UNC5D: variants seen among roughly 807,000 people sequenced by gnomAD.
UNC5D encodes unc-5 netrin receptor D, also known as netrin receptor UNC5D.
Under a neutral mutation model 105.4 loss-of-function variants are expected in UNC5D, and 39 were observed. The observed-to-expected ratio is 0.37, with a 90% confidence interval of 0.29 to 0.48. The LOEUF is 0.48. UNC5D is among the 20% of genes least tolerant of loss of function. The pLI is 0.98. For missense variants in UNC5D, 991 were observed against 1,202.4 expected, an observed-to-expected ratio of 0.82 and a Z score of 2.60; for synonymous variants, 452 against 450.4, an observed-to-expected ratio of 1.00 and a Z score of -0.04.
At chr8:35,304,574 G>A (rs911304815) in intron 1 of UNC5D, among the ~76,000 whole-genome samples, 2 of 152,016 alleles carry the variant, frequency 1.3e-5, no homozygotes, top group East Asian at 1.9e-4. Flanking sequence ...GTGCACAAGC[G>A]TGTGTATGCG....
chr8:35,351,048 A>G (rs985308204), intron 1 of UNC5D, among the ~76,000 whole-genome samples: 1 of 152,104 alleles, frequency 6.6e-6, no homozygotes, highest in Non-Finnish European at 1.5e-5. Context: ...GACTTCAAAC[A>G]GTTGAGTGTG....
Position 35,795,934 on chromosome 8 carries a change from T to C in UNC5D, c.*5371T>C, listed in dbSNP as rs993659420. ...ATTTAAAGGAAAACTGGCTCATTCTTCTGACCCAAACTCAAAAAATATGAG... is the reference window on the plus strand; with the variant it reads ...ATTTAAAGGAAAACTGGCTCATTCTCCTGACCCAAACTCAAAAAATATGAG... On this transcript the variant is annotated 3_prime_UTR_variant, in exon 17 of 17. Coordinates refer to ENST00000404895, the MANE Select transcript of UNC5D (RefSeq NM_080872.4). 2.0e-5 allele frequency: 3 copies of C among 152,210 alleles called. No homozygotes were observed. Among genetic ancestry groups the C allele is most frequent in the African/African-American group, 4.8e-5 (2 of 41,464 alleles). The allele number at this position is 152,210 out of a possible 1,614,324, so 9.4% of individuals were successfully genotyped here. A position where few individuals can be genotyped will look rare whatever the true frequency, so the allele number is the denominator to read the frequency against.
intron 9 of UNC5D, chr8:35,724,207 C>G: frequency 6.6e-7 from 1 of 1,511,842 alleles, no homozygotes; most frequent in Non-Finnish European, 8.8e-7. Context: ...CAATATTAGT[C>G]TTACCAAACT....
At chr8:35,288,652 A>G (rs1308062137) in intron 1 of UNC5D, among the ~76,000 whole-genome samples, 1 of 152,230 alleles carries the variant, frequency 6.6e-6, no homozygotes, top group Non-Finnish European at 1.5e-5. Flanking sequence ...AACTATAGCT[A>G]GAATAAATTG....
chr8:35,735,870 T>A (rs140169108), intron 11 of UNC5D, among the ~76,000 whole-genome samples: 1 of 152,352 alleles, frequency 6.6e-6, no homozygotes, highest in South Asian at 2.1e-4. Flanking sequence ...CTTGGACTAT[T>A]TGAGAGGACC....
Position 35,793,336 on chromosome 8 carries a change from C to A in UNC5D, c.*2773C>A. ...ACTTGAACTTAGTTATTCACTGTGACCTAAATTTAGTCCTATTGTAATATG... is the reference window on the plus strand; with the variant it reads ...ACTTGAACTTAGTTATTCACTGTGAACTAAATTTAGTCCTATTGTAATATG... On this transcript the variant is annotated 3_prime_UTR_variant, in exon 17 of 17. Coordinates refer to ENST00000404895, the MANE Select transcript of UNC5D (RefSeq NM_080872.4). The A allele has an allele frequency of 3.4e-6, 1 of 296,166 alleles. No homozygotes were observed. Among genetic ancestry groups the A allele is most frequent in the Non-Finnish European group, 6.7e-6 (1 of 149,390 alleles). 18.3% of individuals were successfully genotyped at this position (296,166 alleles called of 1,614,324 possible).
At chr8:35,384,258 A>G (rs111508666) in intron 1 of UNC5D, among the ~76,000 whole-genome samples, 5 of 152,080 alleles carry the variant, frequency 3.3e-5, no homozygotes, top group East Asian at 1.9e-4. Flanking sequence ...TTAAAATAAT[A>G]TGGTCTTATA....
chr8:35,334,774 A>T (rs1164611725), intron 1 of UNC5D, among the ~76,000 whole-genome samples: 1 of 152,150 alleles, frequency 6.6e-6, no homozygotes, highest in African/African-American at 2.4e-5. Flanking sequence ...TCGGCCTCCC[A>T]AAGTGCTGGG....
At chr8:35,772,269 A>C (rs1337064904) in intron 15 of UNC5D, among the ~76,000 whole-genome samples, 1 of 152,170 alleles carries the variant, frequency 6.6e-6, no homozygotes, top group East Asian at 1.9e-4. Flanking sequence ...GGATTAATGC[A>C]TTGTGTTTCC....
chr8:35,248,985 AATATATTATATATAAACATATATAAT>A (rs1403108008), intron 1 of UNC5D, among the ~76,000 whole-genome samples: 11 of 89,730 alleles, frequency 1.2e-4, no homozygotes, highest in African/African-American at 5.0e-4. Context: ...ATTTTTATAT[AATATATTATATATAAACATATATAAT>A]ATATATTATA....
chr8:35,510,357 A>C (rs1812620437), intron 1 of UNC5D, among the ~76,000 whole-genome samples: 1 of 150,518 alleles, frequency 6.6e-6, no homozygotes, highest in African/African-American at 2.4e-5. Flanking sequence ...CCAGGATATT[A>C]GGAGTTGTGT....
In UNC5D at chr8:35,602,812, G is replaced by A. The variant is rs1020128471; in HGVS notation, c.570+7155G>A. ...ATGTATACATGTGACATGCTGGTGC[G>A]CTGCACCCACTAACTCATCATCTAG... On this transcript the variant is annotated intron_variant, in intron 4 of 16. Coordinates refer to ENST00000404895, the MANE Select transcript of UNC5D (RefSeq NM_080872.4). Among the ~76,000 whole-genome samples the A allele has an allele frequency of 8.5e-4, 129 of 151,718 alleles. 1 individual carries two copies. The highest frequency in any genetic ancestry group is 1.1e-3 in the African/African-American group (45 of 41,436).
chr8:35,547,331 G>A (rs1815768791), intron 1 of UNC5D, among the ~76,000 whole-genome samples: 1 of 132,360 alleles, frequency 7.6e-6, no homozygotes, highest in African/African-American at 3.0e-5. Context: ...TCACTATGTT[G>A]CCCAGGCTGG....
intron 1 of UNC5D, among the ~76,000 whole-genome samples, chr8:35,409,730 A>G (rs1805036486): frequency 6.6e-6 from 1 of 151,990 alleles, no homozygotes; most frequent in African/African-American, 2.4e-5. Context: ...TTTGCAGAGC[A>G]AAAGTTCTTA....
intron 2 of UNC5D, among the ~76,000 whole-genome samples, chr8:35,561,285 C>T (rs1816943123): frequency 1.3e-5 from 2 of 152,286 alleles, no homozygotes; most frequent in Non-Finnish European, 2.9e-5. Context: ...ACAGAGCCCA[C>T]TGACATTATG....
At chr8:35,652,609 T>G (rs1450637133) in intron 4 of UNC5D, among the ~76,000 whole-genome samples, 6 of 145,006 alleles carry the variant, frequency 4.1e-5, no homozygotes, top group African/African-American at 1.3e-4. Flanking sequence ...TTATTATGAG[T>G]TTTTTTTTTT....
intron 1 of UNC5D, among the ~76,000 whole-genome samples, chr8:35,426,517 T>C (rs1252691560): frequency 6.6e-6 from 1 of 152,208 alleles, no homozygotes; most frequent in Non-Finnish European, 1.5e-5. Flanking sequence ...GTATCTTTGC[T>C]CTGCTAAACA....
rs192267224 is a variant in UNC5D at position 35,408,244 on chromosome 8, T to C, written c.104-141048T>C. On this transcript the variant is annotated intron_variant, in intron 1 of 16. Transcript: ENST00000404895. Reference sequence around the variant, plus strand: ...TGTTTACTTTTAGTTTACTCAGCAATTAAACATGAAGGAACTAGTTTATCA... The same window carrying C: ...TGTTTACTTTTAGTTTACTCAGCAACTAAACATGAAGGAACTAGTTTATCA... Among the ~76,000 whole-genome samples, 4 of 152,200 alleles carry C rather than the reference T, an allele frequency of 2.6e-5. No individual in the cohort carries two copies. The East Asian group carries it at 7.7e-4, about 29-fold the overall frequency.
chr8:35,542,501 C>G (rs1470275020), intron 1 of UNC5D, among the ~76,000 whole-genome samples: 1 of 152,188 alleles, frequency 6.6e-6, no homozygotes, highest in Admixed American at 6.5e-5. Context: ...GAGAAGGACT[C>G]TGGAATATTA....
Sources: allele counts gnomAD v4.1 joint callset (sites outside exome capture counted in the v4.1 genomes callset), GRCh38; gene constraint gnomAD v4.1.1; transcripts MANE v1.5; gene names NCBI Gene and HGNC (gene_info 2026-07-23, HGNC 2026-07-21).